PPP1R16B: variants seen among roughly 807,000 people sequenced by gnomAD.
PPP1R16B encodes the protein protein phosphatase 1 regulatory inhibitor subunit 16B.
PPP1R16B carries 14 observed loss-of-function variants against 61.7 expected under a neutral mutation model. That is an observed-to-expected ratio of 0.23 (90% confidence interval 0.15 to 0.35). The LOEUF (loss-of-function observed/expected upper bound fraction) is 0.35, where lower values mean the gene tolerates loss of function less well. Ranked by LOEUF, PPP1R16B falls within the 10% of genes least tolerant of loss-of-function variation. The pLI, the probability that PPP1R16B is intolerant of heterozygous loss-of-function variation, is 1.00. For synonymous variants in PPP1R16B, 266 were observed against 305.3 expected (o/e 0.87, Z 1.34); for missense variants, 547 against 752.5 (o/e 0.73, Z 3.19).
At chr20:38,838,453 G>A (rs960418010) in intron 2 of PPP1R16B, 5 of 152,266 alleles carry the variant, frequency 3.3e-5, no homozygotes, top group Non-Finnish European at 7.3e-5. Context: ...TCTAGGAAAC[G>A]AGCCAAGAGG....
chr20:38,866,452 G>A (rs1257640848), intron 2 of PPP1R16B, among the ~76,000 whole-genome samples: 4 of 152,200 alleles, frequency 2.6e-5, no homozygotes, highest in Admixed American at 6.5e-5. Context: ...CGGAAGGTGC[G>A]TTGACACATG....
intron 1 of PPP1R16B, among the ~76,000 whole-genome samples, chr20:38,826,415 C>T (rs979852529): frequency 7.9e-5 from 12 of 152,330 alleles, no homozygotes; most frequent in South Asian, 2.1e-4. Flanking sequence ...CTGTCCCCTA[C>T]GGCCTTCTCC....
intron 2 of PPP1R16B, among the ~76,000 whole-genome samples, chr20:38,873,976 G>A (rs1053906669): frequency 2.0e-5 from 3 of 152,080 alleles, no homozygotes; most frequent in East Asian, 1.9e-4. Flanking sequence ...TTATCTGCCC[G>A]CCTCGGCCTC....
At chr20:38,834,496 T>C (rs2084856602) in intron 1 of PPP1R16B, among the ~76,000 whole-genome samples, 1 of 152,216 alleles carries the variant, frequency 6.6e-6, no homozygotes, top group Non-Finnish European at 1.5e-5. Context: ...GTTGACCTCA[T>C]GTTATTTGAA....
chr20:38,895,497 G>T, intron 3 of PPP1R16B, 68 bp from the exon 4 acceptor site: 1 of 1,520,596 alleles, frequency 6.6e-7, no homozygotes. Context: ...GGAACCTGGT[G>T]TGTCCTGACC....
intron 10 of PPP1R16B, among the ~76,000 whole-genome samples, chr20:38,911,482 T>C (rs1273391802): frequency 6.6e-6 from 1 of 151,730 alleles, no homozygotes; most frequent in African/African-American, 2.4e-5. Context: ...TTCTTTTTTA[T>C]TGCTTTCTAG....
chr20:38,881,134 G>C (rs568732351), intron 2 of PPP1R16B, among the ~76,000 whole-genome samples: 1 of 152,282 alleles, frequency 6.6e-6, no homozygotes, highest in East Asian at 1.9e-4. Flanking sequence ...CCAGGATCCC[G>C]GGGGAGCTGC....
intron 2 of PPP1R16B, among the ~76,000 whole-genome samples, chr20:38,884,258 AT>A (rs1199691310): frequency 6.6e-6 from 1 of 152,216 alleles, no homozygotes; most frequent in African/African-American, 2.4e-5. Context: ...AGGGCACTGT[AT>A]TCACACAGAC....
intron 2 of PPP1R16B, among the ~76,000 whole-genome samples, chr20:38,865,349 G>A (rs1308358011): frequency 1.3e-5 from 2 of 150,976 alleles, no homozygotes; most frequent in Non-Finnish European, 2.9e-5. Context: ...GAGTGCAGTG[G>A]CGCGATCTCG....
chr20:38,886,554 T>C (rs1386148131), intron 2 of PPP1R16B, among the ~76,000 whole-genome samples: 1 of 152,182 alleles, frequency 6.6e-6, no homozygotes, highest in South Asian at 2.1e-4. Context: ...CCAAAAGCCA[T>C]CTGTAATGCT....
intron 2 of PPP1R16B, among the ~76,000 whole-genome samples, chr20:38,872,396 C>G (rs1446387038): frequency 1.3e-5 from 2 of 152,058 alleles, no homozygotes; most frequent in Non-Finnish European, 2.9e-5. Flanking sequence ...CGAACATTTG[C>G]GGAGCGGGAA....
chr20:38,861,839 G>A (rs2085053924), intron 2 of PPP1R16B, among the ~76,000 whole-genome samples: 1 of 151,970 alleles, frequency 6.6e-6, no homozygotes, highest in African/African-American at 2.4e-5. Flanking sequence ...ACCGTGCCCG[G>A]CTAATTTTTG....
chr20:38,871,187 A>C lies in PPP1R16B; in HGVS notation c.251-18408A>C, dbSNP rs1027783739. ...CCAACCTCCTGGAGCTTTGAGAACA[A>C]GGTGTCCTGTACACAGAGTCCTGGC... On this transcript the variant is annotated intron_variant, in intron 2 of 10. Coordinates refer to ENST00000299824, the MANE Select transcript of PPP1R16B (RefSeq NM_015568.4). 5.3e-5 allele frequency among the ~76,000 whole-genome samples: 8 copies of C among 152,264 alleles called. No individual in the cohort carries two copies. In the South Asian group the frequency reaches 1.7e-3, roughly 32 times the overall value.
intron 1 of PPP1R16B, among the ~76,000 whole-genome samples, chr20:38,822,341 T>A (rs2084778194): frequency 6.6e-6 from 1 of 152,092 alleles, no homozygotes; most frequent in Non-Finnish European, 1.5e-5. Flanking sequence ...AGTAGTTTTC[T>A]ATCCAAGTTT....
intron 2 of PPP1R16B, among the ~76,000 whole-genome samples, chr20:38,870,694 TGTA>T (rs2085122776): frequency 1.3e-5 from 2 of 152,118 alleles, no homozygotes; most frequent in Non-Finnish European, 1.5e-5. Flanking sequence ...TGGCCCATAC[TGTA>T]GGGGCCACAA....
chr20:38,884,104 G>C (rs1466295423), intron 2 of PPP1R16B, among the ~76,000 whole-genome samples: 1 of 152,174 alleles, frequency 6.6e-6, no homozygotes, highest in Non-Finnish European at 1.5e-5. Flanking sequence ...TCGTCTTTGT[G>C]CTCCCTGAGC....
intron 3 of PPP1R16B, among the ~76,000 whole-genome samples, chr20:38,894,362 T>C (rs1035289882): frequency 6.6e-6 from 1 of 152,174 alleles, no homozygotes; most frequent in Admixed American, 6.5e-5. Flanking sequence ...CTTCTCTCTA[T>C]CCCTGTGGTC....
rs1340864023 is a variant in PPP1R16B, at chr20:38,810,002, A to T, written c.-102+4210A>T. On this transcript the variant is annotated intron_variant, in intron 1 of 10. Transcript: ENST00000299824. ...CTTGTTTCGAAAAAAAAAAAAAAAA[A>T]AAAACAAAACCAAAAAACTTAAAAA... is the stretch of plus-strand genomic sequence containing the variant. Among the ~76,000 whole-genome samples the T allele has an allele frequency of 1.3e-5, 2 of 151,194 alleles. 1 individual carries two copies. The highest frequency in any genetic ancestry group is 4.9e-5 in the African/African-American group (2 of 40,888).
chr20:38,834,964 A>C (rs1288188187), intron 1 of PPP1R16B, among the ~76,000 whole-genome samples: 1 of 152,180 alleles, frequency 6.6e-6, no homozygotes, highest in Non-Finnish European at 1.5e-5. Flanking sequence ...CTACTTCTGC[A>C]TTTAGTTTGT....
Sources: allele counts gnomAD v4.1 joint callset (sites outside exome capture counted in the v4.1 genomes callset), GRCh38; gene constraint gnomAD v4.1.1; transcripts MANE v1.5; gene names NCBI Gene and HGNC (gene_info 2026-07-23, HGNC 2026-07-21).